SLC25A31: variants seen among roughly 807,000 people sequenced by gnomAD.
SLC25A31 encodes the protein ADP/ATP translocase 4.
In SLC25A31, 40 loss-of-function variants were observed where a neutral mutation model predicts 36.2. The ratio of observed to expected loss-of-function variants is 1.10; its 90% confidence interval spans 0.86 to 1.44. The LOEUF (loss-of-function observed/expected upper bound fraction) is 1.44, where lower values mean the gene tolerates loss of function less well. Among genes scored for constraint, SLC25A31 ranks in the 40% most tolerant of loss-of-function variants. The pLI is 0.00. For synonymous variants in SLC25A31, 143 were observed against 149.7 expected (o/e 0.96, Z 0.32); for missense variants, 350 against 397.1 (o/e 0.88, Z 1.01).
intron 1 of SLC25A31, among the ~76,000 whole-genome samples, chr4:127,733,809 G>A (rs1256982477): frequency 6.6e-6 from 1 of 152,168 alleles, no homozygotes; most frequent in Non-Finnish European, 1.5e-5. Context: ...TGGAGAAAGA[G>A]ATATGAACAC....
At chr4:127,759,992 G>A (rs1208434430) in intron 2 of SLC25A31, among the ~76,000 whole-genome samples, 1 of 152,144 alleles carries the variant, frequency 6.6e-6, no homozygotes, top group Non-Finnish European at 1.5e-5. Context: ...TGCCAGGAGG[G>A]AGAGAAGTGG....
At chr4:127,735,872 A>ATTTTAT (rs1560630379) in intron 1 of SLC25A31, among the ~76,000 whole-genome samples, 4 of 84,470 alleles carry the variant, frequency 4.7e-5, no homozygotes, top group African/African-American at 1.5e-4. Context: ...CTTTTATTTT[A>ATTTTAT]TTTATTTATT....
chr4:127,740,611 A>C (rs1731714537), intron 1 of SLC25A31, among the ~76,000 whole-genome samples: 1 of 152,228 alleles, frequency 6.6e-6, no homozygotes, highest in Admixed American at 6.5e-5. Flanking sequence ...TGTGGAGCAG[A>C]GACAGCCCCA....
chr4:127,746,097 A>G (rs970607689), intron 2 of SLC25A31, among the ~76,000 whole-genome samples: 4 of 152,268 alleles, frequency 2.6e-5, no homozygotes, highest in Non-Finnish European at 4.4e-5. Flanking sequence ...TAAGGATAAT[A>G]GCCTCAAACT....
At chr4:127,773,359 G>A in intron 5 of SLC25A31, 27 bp from the exon 6 acceptor site, 1 of 1,583,964 alleles carries the variant, frequency 6.3e-7, no homozygotes, top group Non-Finnish European at 8.6e-7. Context: ...TCAGATAATG[G>A]AAAACCCTTT....
At chr4:127,755,671 T>C (rs1732015988) in intron 2 of SLC25A31, among the ~76,000 whole-genome samples, 1 of 152,146 alleles carries the variant, frequency 6.6e-6, no homozygotes, top group South Asian at 2.1e-4. Context: ...AAGAAAACCC[T>C]TGTATACTGT....
chr4:127,743,118 C>G (rs1017583443), intron 1 of SLC25A31, among the ~76,000 whole-genome samples: 1 of 141,264 alleles, frequency 7.1e-6, no homozygotes, highest in Non-Finnish European at 1.6e-5. Context: ...GAGAGTTTTT[C>G]TTTTTTCTTT....
intron 1 of SLC25A31, among the ~76,000 whole-genome samples, chr4:127,737,703 C>T (rs1731658659): frequency 6.6e-6 from 1 of 152,198 alleles, no homozygotes; most frequent in Admixed American, 6.5e-5. Flanking sequence ...AGGCACATGC[C>T]ACCATGGCAG....
intron 2 of SLC25A31, among the ~76,000 whole-genome samples, chr4:127,756,547 T>C (rs1377279987): frequency 6.6e-6 from 1 of 152,166 alleles, no homozygotes; most frequent in African/African-American, 2.4e-5. Context: ...TTAATAATAA[T>C]GTATATTTCA....
At chr4:127,766,997 G>A in intron 3 of SLC25A31, 69 bp from the exon 4 acceptor site, 1 of 1,338,992 alleles carries the variant, frequency 7.5e-7, no homozygotes, top group Non-Finnish European at 9.9e-7. Flanking sequence ...ATCTGTAAAG[G>A]TTTATTTTGA....
intron 1 of SLC25A31, among the ~76,000 whole-genome samples, chr4:127,732,233 G>A (rs2062197852): frequency 6.6e-6 from 1 of 152,130 alleles, no homozygotes; most frequent in Admixed American, 6.5e-5. Flanking sequence ...CTGTTCTAGG[G>A]CCAGATACTG....
In SLC25A31 at chr4:127,743,865, G is replaced by A. The variant is rs181622594; in HGVS notation, c.233-807G>A. 3.3e-3 allele frequency among the ~76,000 whole-genome samples: 501 copies of A among 152,264 alleles called. 2 individuals carry two copies. Among genetic ancestry groups the A allele is most frequent in the Non-Finnish European group, 3.7e-3 (249 of 68,018 alleles). On this transcript the variant is annotated intron_variant, in intron 1 of 5. Transcript: ENST00000281154. ...TTCTTTTGAATCTTTATTTTTAAAA[G>A]ACTGATTCTGGGTATTCTCCGAACT...
At chr4:127,767,675 T>C (rs1732271069) in intron 4 of SLC25A31, among the ~76,000 whole-genome samples, 1 of 147,138 alleles carries the variant, frequency 6.8e-6, no homozygotes, top group South Asian at 2.1e-4. Flanking sequence ...CGGATACTGT[T>C]AGATTCTGTG....
chr4:127,742,332 C>T (rs1731746624), intron 1 of SLC25A31, among the ~76,000 whole-genome samples: 1 of 152,180 alleles, frequency 6.6e-6, no homozygotes, highest in Non-Finnish European at 1.5e-5. Flanking sequence ...TATCGAGGAA[C>T]TGAAACTTAC....
rs1560630426 is a variant in SLC25A31 at position 127,735,887 on chromosome 4, TATTTATTTA to T, written c.232+5111_232+5119del. Among the ~76,000 whole-genome samples, 192 of 91,876 alleles carry T rather than the reference TATTTATTTA, an allele frequency of 2.1e-3. 1 individual carries two copies. Among genetic ancestry groups the T allele is most frequent in the African/African-American group, 8.8e-3 (178 of 20,190 alleles). 60.3% of individuals were successfully genotyped at this position (91,876 alleles called of 152,430 possible). A position where few individuals can be genotyped will look rare whatever the true frequency, so the allele number is the denominator to read the frequency against. On this transcript the variant is annotated intron_variant, in intron 1 of 5. Coordinates refer to ENST00000281154, the MANE Select transcript of SLC25A31 (RefSeq NM_031291.4). ...CTTTTATTTTATTTATTTATTTATT[TATTTATTTA>T]TTTTTTTTTTTGAGACGGAGTCTCG...
At chr4:127,748,889 C>A (rs2148757550) in intron 2 of SLC25A31, among the ~76,000 whole-genome samples, 1 of 152,232 alleles carries the variant, frequency 6.6e-6, no homozygotes, top group East Asian at 1.9e-4. Context: ...ACCAGGGCAT[C>A]ACCAAAGGAA....
At chr4:127,735,888 ATTT>A (rs1233045145) in intron 1 of SLC25A31, among the ~76,000 whole-genome samples, 1 of 47,850 alleles carries the variant, frequency 2.1e-5, no homozygotes, top group Non-Finnish European at 4.2e-5. Context: ...TTATTTATTT[ATTT>A]ATTTATTTTT....
At chr4:127,767,279 G>A in intron 4 of SLC25A31, 59 bp downstream of exon 4, 1 of 1,324,556 alleles carries the variant, frequency 7.5e-7, no homozygotes, top group Admixed American at 2.7e-5. Context: ...TATTTAATTA[G>A]TAATGTTTTC....
intron 1 of SLC25A31, among the ~76,000 whole-genome samples, chr4:127,734,946 A>G (rs1038506786): frequency 6.6e-6 from 1 of 152,178 alleles, no homozygotes. Flanking sequence ...GGGAATGACA[A>G]GCACCCTTCC....
Sources: allele counts gnomAD v4.1 joint callset (sites outside exome capture counted in the v4.1 genomes callset), GRCh38; gene constraint gnomAD v4.1.1; transcripts MANE v1.5; gene names NCBI Gene and HGNC (gene_info 2026-07-23, HGNC 2026-07-21).